The following PACRG variants were observed in gnomAD, a reference collection of about 807,000 sequenced individuals.
PACRG encodes parkin coregulated.
In PACRG, 29 loss-of-function variants were observed where a neutral mutation model predicts 29.7. The observed-to-expected ratio is 0.98, with a 90% confidence interval of 0.73 to 1.33. The LOEUF (loss-of-function observed/expected upper bound fraction) is 1.33, where lower values mean the gene tolerates loss of function less well. PACRG is among the 40% of genes most tolerant of loss of function. PACRG has a pLI of 0.00. For missense variants in PACRG, 279 were observed against 316.2 expected (o/e 0.88, Z 0.89); for synonymous variants, 116 against 118.7 (o/e 0.98, Z 0.15).
At chr6:163,095,971 C>T (rs1814545336) in intron 4 of PACRG, among the ~76,000 whole-genome samples, 2 of 152,098 alleles carry the variant, frequency 1.3e-5, no homozygotes, top group East Asian at 1.9e-4. Context: ...GTTTTGTGTT[C>T]GTTTCACTCC....
intron 2 of PACRG, among the ~76,000 whole-genome samples, chr6:162,887,097 C>T (rs758772034): frequency 2.6e-5 from 4 of 152,060 alleles, no homozygotes; most frequent in African/African-American, 4.8e-5. Context: ...TCAGTAGAGA[C>T]GGGGTTTCAC....
At chr6:163,196,850 TAGACAAATAGAC>T (rs990015217) in intron 4 of PACRG, among the ~76,000 whole-genome samples, 13 of 150,316 alleles carry the variant, frequency 8.6e-5, no homozygotes, top group Non-Finnish European at 1.6e-4. Context: ...ACTAGACAGA[TAGACAAATAGAC>T]AGACAAATAG....
At chr6:163,262,545 A>G (rs976035833) in intron 4 of PACRG, among the ~76,000 whole-genome samples, 4 of 151,940 alleles carry the variant, frequency 2.6e-5, no homozygotes, top group Non-Finnish European at 5.9e-5. Flanking sequence ...TTTCAGATCT[A>G]ATAATATATC....
At chr6:163,100,895 T>A (rs1186321114) in intron 4 of PACRG, 1 of 984,570 alleles carries the variant, frequency 1.0e-6, no homozygotes, top group African/African-American at 1.7e-5. Context: ...CTGTATTATA[T>A]TCTCATGTAC....
At chr6:163,206,489 G>A (rs1780908606) in intron 4 of PACRG, among the ~76,000 whole-genome samples, 1 of 152,088 alleles carries the variant, frequency 6.6e-6, no homozygotes, top group Non-Finnish European at 1.5e-5. Context: ...ACTTATAAGT[G>A]GGAATAAACA....
intron 2 of PACRG, among the ~76,000 whole-genome samples, chr6:162,948,973 G>A (rs1240611256): frequency 6.6e-6 from 1 of 151,968 alleles, no homozygotes; most frequent in Non-Finnish European, 1.5e-5. Context: ...AAACAGAACT[G>A]CCATATGATA....
chr6:163,135,185 ATT>A (rs10568609), intron 4 of PACRG, among the ~76,000 whole-genome samples: 31,643 of 143,414 alleles, frequency 0.22, 3,846 homozygotes, highest in African/African-American at 0.34. Context: ...TAGTTAAGTC[ATT>A]TTTTTTTTTT....
chr6:163,249,371 G>A (rs1019507307), intron 4 of PACRG, among the ~76,000 whole-genome samples: 2 of 152,272 alleles, frequency 1.3e-5, no homozygotes, highest in East Asian at 3.9e-4. Flanking sequence ...CCATTATCCA[G>A]CCTTTCAATA....
chr6:163,060,056 T>C (rs547164534), intron 2 of PACRG, among the ~76,000 whole-genome samples: 2 of 152,068 alleles, frequency 1.3e-5, no homozygotes, highest in East Asian at 3.9e-4. Context: ...AAATAGAACA[T>C]AGTGTACATA....
At chr6:163,191,514 C>G in intron 4 of PACRG, 1 of 391,190 alleles carries the variant, frequency 2.6e-6, no homozygotes, top group East Asian at 7.2e-5. Flanking sequence ...TCTCTCCTCT[C>G]TAAAGAGAAG....
intron 4 of PACRG, among the ~76,000 whole-genome samples, chr6:163,111,122 T>C (rs994578592): frequency 6.6e-6 from 1 of 152,220 alleles, no homozygotes; most frequent in Non-Finnish European, 1.5e-5. Context: ...CCACCCACTT[T>C]GTGCAGAGCC....
chr6:163,040,753 A>G (rs1345191839), intron 2 of PACRG, among the ~76,000 whole-genome samples: 2 of 152,134 alleles, frequency 1.3e-5, no homozygotes, highest in African/African-American at 2.4e-5. Context: ...AATTTCTCCT[A>G]TTTGGAATGG....
chr6:163,219,037 A>G (rs1363857771), intron 4 of PACRG, among the ~76,000 whole-genome samples: 1 of 152,198 alleles, frequency 6.6e-6, no homozygotes, highest in African/African-American at 2.4e-5. Context: ...ATTCTAGTCC[A>G]TGGTTTTAAG....
chr6:163,122,286 TAC>T (rs57013650), intron 4 of PACRG, among the ~76,000 whole-genome samples: 41 of 151,074 alleles, frequency 2.7e-4, no homozygotes, highest in Non-Finnish European at 3.7e-4. Flanking sequence ...TTAACGCATT[TAC>T]ACACACACAC....
intron 2 of PACRG, among the ~76,000 whole-genome samples, chr6:162,845,338 C>T (rs1790268413): frequency 6.6e-6 from 1 of 151,926 alleles, no homozygotes; most frequent in Non-Finnish European, 1.5e-5. Context: ...AAGAATCCCC[C>T]AGGCTTGCAA....
chr6:163,305,252 G>T (rs1336949636), intron 4 of PACRG, among the ~76,000 whole-genome samples: 1 of 152,248 alleles, frequency 6.6e-6, no homozygotes, highest in Admixed American at 6.5e-5. Flanking sequence ...CGTAGAGAAT[G>T]GGAACCTTCA....
chr6:162,983,498 G>A (rs1481533479), intron 2 of PACRG, among the ~76,000 whole-genome samples: 1 of 151,852 alleles, frequency 6.6e-6, no homozygotes, highest in Non-Finnish European at 1.5e-5. Flanking sequence ...TTATAATGCT[G>A]GATTGGTAGT....
intron 2 of PACRG, among the ~76,000 whole-genome samples, chr6:163,019,778 A>G (rs924093666): frequency 6.6e-6 from 1 of 152,180 alleles, no homozygotes; most frequent in Non-Finnish European, 1.5e-5. Context: ...TGGTTTTGCT[A>G]TCCTAGTTGC....
chr6:162,757,813 T>G (rs1388633889), intron 1 of PACRG, among the ~76,000 whole-genome samples: 1 of 151,948 alleles, frequency 6.6e-6, no homozygotes, highest in African/African-American at 2.4e-5. Flanking sequence ...ACACTGGATA[T>G]CAATAATAAA....
Sources: allele counts gnomAD v4.1 joint callset (sites outside exome capture counted in the v4.1 genomes callset), GRCh38; gene constraint gnomAD v4.1.1; transcripts MANE v1.5; gene names NCBI Gene and HGNC (gene_info 2026-07-23, HGNC 2026-07-21).